Variants in GRID2 observed in about 807,000 individuals in gnomAD.
The protein encoded by GRID2 is glutamate ionotropic receptor delta type subunit 2, also known as glutamate receptor ionotropic, delta-2.
In GRID2, 33 loss-of-function variants were observed where a neutral mutation model predicts 114.8. The ratio of observed to expected loss-of-function variants is 0.29; its 90% CI spans 0.22 to 0.38. GRID2 has a LOEUF of 0.38. Among genes scored for constraint, GRID2 ranks in the 10% least tolerant of loss-of-function variants. The probability of loss-of-function intolerance (pLI) is 1.00; values close to 1 mark genes in which losing one functional copy is unlikely to be tolerated. For missense variants in GRID2, 1,184 were observed against 1,257.7 expected, an observed-to-expected ratio of 0.94 and a Z score of 0.89; for synonymous variants, 505 against 449.9, an observed-to-expected ratio of 1.12 and a Z score of -1.55.
intron 2 of GRID2, among the ~76,000 whole-genome samples, chr4:92,806,300 C>G (rs1421953019): frequency 6.6e-6 from 1 of 151,670 alleles, no homozygotes; most frequent in East Asian, 1.9e-4. Flanking sequence ...AAAACTATCT[C>G]TTACACAAAG....
intron 4 of GRID2, among the ~76,000 whole-genome samples, chr4:93,150,955 CATCTCTACTAA>C (rs1338147253): frequency 1.3e-5 from 2 of 151,670 alleles, no homozygotes; most frequent in Non-Finnish European, 2.9e-5. Flanking sequence ...GGTGAAACCC[CATCTCTACTAA>C]AAATACAAAA....
intron 8 of GRID2, among the ~76,000 whole-genome samples, chr4:93,252,113 T>C (rs548720249): frequency 1.3e-5 from 2 of 152,284 alleles, no homozygotes; most frequent in South Asian, 4.1e-4. Context: ...GCAATTGCTT[T>C]TGGTCTTCAT....
chr4:93,707,212 C>T (rs1161896197), intron 14 of GRID2, among the ~76,000 whole-genome samples: 1 of 151,996 alleles, frequency 6.6e-6, no homozygotes, highest in Non-Finnish European at 1.5e-5. Context: ...TAATACTGGT[C>T]TCATAGAATA....
At chr4:93,683,364 G>A (rs1197379070) in intron 14 of GRID2, among the ~76,000 whole-genome samples, 1 of 152,034 alleles carries the variant, frequency 6.6e-6, no homozygotes, top group Non-Finnish European at 1.5e-5. Context: ...GGCAGTTTCA[G>A]TCTTTGACTG....
At chr4:92,585,222 G>T (rs1374991206) in intron 1 of GRID2, among the ~76,000 whole-genome samples, 2 of 151,892 alleles carry the variant, frequency 1.3e-5, no homozygotes, top group Non-Finnish European at 2.9e-5. Flanking sequence ...GGGGGGTAGA[G>T]AGAGTGAGAG....
intron 2 of GRID2, among the ~76,000 whole-genome samples, chr4:92,745,251 T>C (rs1737091652): frequency 1.3e-5 from 2 of 152,226 alleles, no homozygotes; most frequent in Non-Finnish European, 2.9e-5. Flanking sequence ...TTATTTCTGC[T>C]TTTAAGGTAT....
intron 4 of GRID2, among the ~76,000 whole-genome samples, chr4:93,146,056 TA>T (rs1188895613): frequency 2.0e-5 from 3 of 152,150 alleles, no homozygotes; most frequent in African/African-American, 4.8e-5. Flanking sequence ...GTTCAATTTT[TA>T]AATTAGATTA....
At chr4:93,679,721 G>C (rs540056192) in intron 14 of GRID2, among the ~76,000 whole-genome samples, 2 of 151,050 alleles carry the variant, frequency 1.3e-5, no homozygotes, top group East Asian at 3.9e-4. Context: ...GATGTTCTTG[G>C]AAACCAACGA....
chr4:92,889,761 A>C lies in GRID2; in HGVS notation c.245-195234A>C, dbSNP rs1746620675. 2.0e-5 allele frequency among the ~76,000 whole-genome samples: 3 copies of C among 152,180 alleles called. No individual in the cohort carries two copies. The South Asian group carries it at 6.2e-4, about 31-fold the overall frequency. On this transcript the variant is annotated intron_variant, in intron 2 of 15. Transcript: ENST00000282020. ...TGACTTTCTTCACAGAATTAGAAAAAACTACTTTAAATTTCATATGGAACC... is the reference window on the plus strand; with the variant it reads ...TGACTTTCTTCACAGAATTAGAAAACACTACTTTAAATTTCATATGGAACC...
chr4:92,563,378 C>T (rs980243113), intron 1 of GRID2, among the ~76,000 whole-genome samples: 1 of 152,000 alleles, frequency 6.6e-6, no homozygotes, highest in African/African-American at 2.4e-5. Context: ...GTAATGTGTG[C>T]ATAATATATA....
chr4:92,553,283 T>C (rs1174763017), intron 1 of GRID2, among the ~76,000 whole-genome samples: 3 of 151,282 alleles, frequency 2.0e-5, no homozygotes, highest in Admixed American at 6.6e-5. Context: ...ATTTTTATAA[T>C]GTGTTTTGAA....
intron 4 of GRID2, among the ~76,000 whole-genome samples, chr4:93,148,430 G>A (rs1332513176): frequency 6.6e-6 from 1 of 151,994 alleles, no homozygotes; most frequent in Non-Finnish European, 1.5e-5. Context: ...AAAAATAGAA[G>A]AGACCTTGCG....
intron 10 of GRID2, among the ~76,000 whole-genome samples, chr4:93,425,097 A>G (rs1344213370): frequency 6.6e-6 from 1 of 152,148 alleles, no homozygotes; most frequent in Non-Finnish European, 1.5e-5. Context: ...GATCACATTT[A>G]TAATGGCTTC....
At chr4:92,874,562 T>G (rs1423595868) in intron 2 of GRID2, among the ~76,000 whole-genome samples, 1 of 152,230 alleles carries the variant, frequency 6.6e-6, no homozygotes, top group Non-Finnish European at 1.5e-5. Flanking sequence ...TCAATTATTT[T>G]CCTACTTTCC....
intron 14 of GRID2, among the ~76,000 whole-genome samples, chr4:93,700,293 A>G (rs1334966159): frequency 6.6e-6 from 1 of 152,170 alleles, no homozygotes; most frequent in African/African-American, 2.4e-5. Context: ...TCATTGCTGT[A>G]TATAAATAAA....
At chr4:93,731,976 C>T (rs1730520686) in intron 14 of GRID2, among the ~76,000 whole-genome samples, 1 of 152,152 alleles carries the variant, frequency 6.6e-6, no homozygotes, top group Non-Finnish European at 1.5e-5. Flanking sequence ...CTGACTCAAC[C>T]AGAAATAAAT....
intron 2 of GRID2, among the ~76,000 whole-genome samples, chr4:92,712,651 A>G (rs1201212870): frequency 6.6e-6 from 1 of 152,192 alleles, no homozygotes; most frequent in African/African-American, 2.4e-5. Flanking sequence ...ATAATACATT[A>G]CAGAATTTGC....
intron 2 of GRID2, among the ~76,000 whole-genome samples, chr4:92,595,163 T>G (rs911405901): frequency 6.6e-6 from 1 of 152,026 alleles, no homozygotes; most frequent in East Asian, 1.9e-4. Context: ...GGCAACATTA[T>G]ACTATAAAGT....
chr4:92,900,666 T>G (rs187780776), intron 2 of GRID2, among the ~76,000 whole-genome samples: 2 of 151,798 alleles, frequency 1.3e-5, no homozygotes, highest in Non-Finnish European at 2.9e-5. Flanking sequence ...CTATCTCTAC[T>G]AAAAATACAA....
Sources: gnomAD v4.1 joint callset for allele counts (sites outside exome capture counted in the v4.1 genomes callset) on GRCh38, gnomAD v4.1.1 for gene constraint, MANE v1.5 for transcripts, NCBI Gene and HGNC (gene_info 2026-07-23, HGNC 2026-07-21) for gene names.